ABCG1: variants seen among roughly 807,000 people sequenced by gnomAD.
The protein encoded by ABCG1 is ATP binding cassette subfamily G member 1.
In ABCG1, 29 loss-of-function variants were observed where a neutral mutation model predicts 69.2. The ratio of observed to expected loss-of-function variants is 0.42; its 90% CI spans 0.31 to 0.57. The LOEUF is 0.57. Among genes scored for constraint, ABCG1 ranks in the 20% least tolerant of loss-of-function variants. ABCG1 has a pLI of 0.15. For missense variants in ABCG1, 718 were observed against 898.1 expected, an observed-to-expected ratio of 0.80 and a Z score of 2.56; for synonymous variants, 370 against 374.8, an observed-to-expected ratio of 0.99 and a Z score of 0.15.
chr21:42,260,239 G>A (rs1048791668), intron 2 of ABCG1: 116 of 1,527,824 alleles, frequency 7.6e-5, no homozygotes, highest in Middle Eastern at 5.1e-4. Flanking sequence ...GGCATTGGGC[G>A]GCAAGCATTT....
chr21:42,208,573 A>G (rs997646248), intron 2 of ABCG1, among the ~76,000 whole-genome samples: 5 of 152,176 alleles, frequency 3.3e-5, no homozygotes, highest in Non-Finnish European at 7.3e-5. Context: ...TCTTCACCCA[A>G]TAAATACCTG....
intron 5 of ABCG1, among the ~76,000 whole-genome samples, chr21:42,280,132 A>C (rs225408): frequency 0.12 from 18,838 of 152,208 alleles, 1,465 homozygotes; most frequent in African/African-American, 0.21. Context: ...TCACCAGCAG[A>C]CCCAGCTGTT....
chr21:42,219,944 C>T lies in ABCG1; in HGVS notation c.42+640C>T, dbSNP rs1428903701. 2.6e-6 allele frequency: 4 copies of T among 1,551,252 alleles called. No homozygotes were observed. Among genetic ancestry groups the T allele is most frequent in the Admixed American group, 3.9e-5 (2 of 51,022 alleles). On this transcript the variant is annotated intron_variant, in intron 1 of 14. Transcript: ENST00000398449. This position sits in a 1 kb window ranked among gnomAD's most constrained non-coding sequence, Gnocchi z 5.3. ...CTGCCGGCCGCCTTTCTGCGCGCGC[C>T]GGAGAGAGAGACGCGGTGGGGACAG...
chr21:42,294,559 C>T lies in ABCG1; in HGVS notation c.1671C>T (p.Gly557=), dbSNP rs1193843349. 14 of 1,613,996 alleles carry T rather than the reference C, an allele frequency of 8.7e-6. No individual in the cohort carries two copies. Among genetic ancestry groups the T allele is most frequent in the Middle Eastern group, 1.6e-4 (1 of 6,082 alleles). ...STSLQVATFV[G]PVTAIPVLLF... is the part of the protein sequence containing the mutation. ...AACTCCAGGTGGCCACTTTCGTGGG[C>T]CCAGTGACAGCCATCCCGGTGCTCC... Residue 557 remains glycine, a synonymous_variant, in exon 14 of 15, where the codon GGC becomes GGT. Coordinates refer to ENST00000398449, the MANE Select transcript of ABCG1 (RefSeq NM_016818.3).
At chr21:42,235,354 C>A (rs571055688) in intron 2 of ABCG1, among the ~76,000 whole-genome samples, 1 of 152,308 alleles carries the variant, frequency 6.6e-6, no homozygotes, top group Non-Finnish European at 1.5e-5. Flanking sequence ...CGGGGGACTG[C>A]GGGAATCTTC....
At chr21:42,220,028 A>G (rs1435090935) in intron 1 of ABCG1, 2 of 1,552,892 alleles carry the variant, frequency 1.3e-6, no homozygotes, top group East Asian at 4.9e-5. Context: ...CGGCGAGTTC[A>G]CTGCTGGACA....
intron 13 of ABCG1, among the ~76,000 whole-genome samples, chr21:42,292,106 C>T (rs921971804): frequency 3.3e-5 from 5 of 152,122 alleles, no homozygotes; most frequent in African/African-American, 1.2e-4. Context: ...CTCCTCCCAT[C>T]GCCCACCCTG....
intron 10 of ABCG1, 54 bp from the exon 11 acceptor site, chr21:42,289,996 T>C (rs2069023536): frequency 6.2e-7 from 1 of 1,610,488 alleles, no homozygotes; most frequent in Non-Finnish European, 8.5e-7. Context: ...GGTTGTTCTC[T>C]GAGCCGAGGA....
chr21:42,231,441 G>A (rs2123551005), intron 2 of ABCG1, among the ~76,000 whole-genome samples: 1 of 152,282 alleles, frequency 6.6e-6, no homozygotes. Flanking sequence ...AAATATTCCG[G>A]GCAGCGCCAA....
intron 2 of ABCG1, chr21:42,260,056 C>T (rs1280956462): frequency 1.3e-6 from 2 of 1,550,564 alleles, no homozygotes; most frequent in East Asian, 2.4e-5. Context: ...GGGGTGGTCG[C>T]TATCAGTGGC....
intron 1 of ABCG1, among the ~76,000 whole-genome samples, chr21:42,220,573 C>T (rs2067709186): frequency 6.6e-6 from 1 of 152,250 alleles, no homozygotes; most frequent in Non-Finnish European, 1.5e-5. Flanking sequence ...CAGACATGGC[C>T]AGGCGGTGGG....
intron 2 of ABCG1, among the ~76,000 whole-genome samples, chr21:42,258,044 A>AT (rs1569222667): frequency 0.012 from 1,004 of 83,418 alleles, 25 homozygotes; most frequent in Admixed American, 0.014. Context: ...CCATCCCTCC[A>AT]CTCATCCCTC....
chr21:42,204,632 C>G (rs1246635915), intron 2 of ABCG1, among the ~76,000 whole-genome samples: 2 of 151,814 alleles, frequency 1.3e-5, no homozygotes, highest in Non-Finnish European at 2.9e-5. Flanking sequence ...ATTCCTGACT[C>G]TGTCTGCTAG....
In ABCG1 at chr21:42,282,372, G is replaced by A. The variant is rs2068827836; in HGVS notation, c.687G>A (p.Leu229=). 3.1e-6 allele frequency: 5 copies of A among 1,613,848 alleles called. No individual in the cohort carries two copies. The highest frequency in any genetic ancestry group is 4.2e-6 in the Non-Finnish European group (5 of 1,179,984). Reference sequence around the variant, plus strand: ...AGCGCAAGCGCCTGGCCATCGCGCTGGAGCTGGTGAACAACCCTCCAGTCA... The same window carrying A: ...AGCGCAAGCGCCTGGCCATCGCGCTAGAGCTGGTGAACAACCCTCCAGTCA... ...GGQRKRLAIA[L]ELVNNPPVMF... Residue 229 remains leucine, a synonymous_variant, in exon 6 of 15, where the codon CTG becomes CTA. Coordinates refer to ENST00000398449, the MANE Select transcript of ABCG1 (RefSeq NM_016818.3).
intron 2 of ABCG1, among the ~76,000 whole-genome samples, chr21:42,243,445 C>CGT (rs1332190376): frequency 0.016 from 1,310 of 79,692 alleles, 17 homozygotes; most frequent in Middle Eastern, 0.068. Context: ...CGTGTGTGTG[C>CGT]GCGTGTGTGT....
At chr21:42,279,306 GGCCCAAGGACAGA>G (rs2068765130) in intron 5 of ABCG1, among the ~76,000 whole-genome samples, 1 of 152,156 alleles carries the variant, frequency 6.6e-6, no homozygotes, top group Non-Finnish European at 1.5e-5. Flanking sequence ...CCCAAAATAA[GGCCCAAGGACAGA>G]GCAAACGGTG....
intron 2 of ABCG1, among the ~76,000 whole-genome samples, chr21:42,228,574 C>T (rs1277025930): frequency 6.6e-6 from 1 of 152,190 alleles, no homozygotes; most frequent in East Asian, 1.9e-4. Flanking sequence ...TGCTCCTGGG[C>T]TTGAAAGGGG....
upstream of ABCG1, among the ~76,000 whole-genome samples, chr21:42,214,308 C>A (rs1228274989): frequency 6.6e-6 from 1 of 152,254 alleles, no homozygotes; most frequent in Non-Finnish European, 1.5e-5. Flanking sequence ...CTATGAGGAA[C>A]AGGCCCTCAC....
intron 2 of ABCG1, among the ~76,000 whole-genome samples, chr21:42,245,095 G>T: frequency 6.6e-6 from 1 of 152,196 alleles, no homozygotes; most frequent in African/African-American, 2.4e-5. Context: ...GTGAGGAGTG[G>T]TGTTTGCCAG....
Sources: gnomAD v4.1 joint callset for allele counts (sites outside exome capture counted in the v4.1 genomes callset) on GRCh38, gnomAD v4.1.1 for gene constraint, Gnocchi (gnomAD v3.1) non-coding constraint, MANE v1.5 for transcripts, NCBI Gene and HGNC (gene_info 2026-07-23, HGNC 2026-07-21) for gene names.